The following KCNIP4 variants were observed in gnomAD, a reference collection of about 807,000 sequenced individuals.
The protein encoded by KCNIP4 is potassium voltage-gated channel interacting protein 4, also known as Kv channel-interacting protein 4.
Under a neutral mutation model 34.0 loss-of-function variants are expected in KCNIP4, and 12 were observed. The observed-to-expected ratio is 0.35, with a 90% CI of 0.23 to 0.57. KCNIP4 has a LOEUF of 0.57. Among genes scored for constraint, KCNIP4 ranks in the 20% least tolerant of loss-of-function variants. KCNIP4 has a pLI of 0.83. For missense variants in KCNIP4, 238 were observed against 311.7 expected, an observed-to-expected ratio of 0.76 and a Z score of 1.78; for synonymous variants, 124 against 102.2, an observed-to-expected ratio of 1.21 and a Z score of -1.29.
rs780785876 is a variant in KCNIP4, at chr4:21,025,078, C to A, written c.62-142369G>T. Reference sequence around the variant, plus strand: ...GAGATTTACCAGTAGGTCAAAGAAGCTTTTACTTTAAGAATATCAATAATT... The same window carrying A: ...GAGATTTACCAGTAGGTCAAAGAAGATTTTACTTTAAGAATATCAATAATT... On this transcript the variant is annotated intron_variant, in intron 1 of 8. Coordinates refer to ENST00000382152, the MANE Select transcript of KCNIP4 (RefSeq NM_025221.6). Among the ~76,000 whole-genome samples the A allele has an allele frequency of 5.3e-5, 8 of 152,084 alleles. No homozygotes were observed. The South Asian group carries it at 1.0e-3, about 20-fold the overall frequency.
intron 3 of KCNIP4, among the ~76,000 whole-genome samples, chr4:20,778,011 A>T (rs1756526793): frequency 2.6e-5 from 4 of 152,214 alleles, no homozygotes; most frequent in Admixed American, 2.6e-4. Flanking sequence ...GATAAAGTAG[A>T]CAGAGAGGTA....
chr4:21,077,656 A>G (rs1424844803), intron 1 of KCNIP4, among the ~76,000 whole-genome samples: 1 of 152,212 alleles, frequency 6.6e-6, no homozygotes, highest in Non-Finnish European at 1.5e-5. Context: ...GCAAAGCCAT[A>G]TCTACTTCTC....
chr4:20,894,574 T>C (rs1726297874), intron 1 of KCNIP4, among the ~76,000 whole-genome samples: 1 of 152,188 alleles, frequency 6.6e-6, no homozygotes, highest in African/African-American at 2.4e-5. Flanking sequence ...TCCTGCAGAA[T>C]CTCATAGTCT....
intron 1 of KCNIP4, among the ~76,000 whole-genome samples, chr4:21,375,693 A>G (rs1720897355): frequency 6.6e-6 from 1 of 151,812 alleles, no homozygotes; most frequent in East Asian, 1.9e-4. Flanking sequence ...CAGCCTCCCG[A>G]GTAGCTGGGA....
chr4:21,771,742 G>A (rs1718807180), intron 1 of KCNIP4, among the ~76,000 whole-genome samples: 1 of 152,122 alleles, frequency 6.6e-6, no homozygotes, highest in South Asian at 2.1e-4. Flanking sequence ...TATTGTTGGT[G>A]TAAAGGAATG....
chr4:21,274,902 AAC>A (rs1489459367), intron 1 of KCNIP4, among the ~76,000 whole-genome samples: 1 of 152,142 alleles, frequency 6.6e-6, no homozygotes, highest in Admixed American at 6.6e-5. Context: ...TCTTTTAACA[AAC>A]AATTCTTTTA....
chr4:21,205,556 T>C (rs1277874085), intron 1 of KCNIP4, among the ~76,000 whole-genome samples: 1 of 152,242 alleles, frequency 6.6e-6, no homozygotes, highest in Non-Finnish European at 1.5e-5. Flanking sequence ...ACTAAGAATG[T>C]AGCTTGTATG....
At chr4:21,338,825 A>G (rs1009658421) in intron 1 of KCNIP4, among the ~76,000 whole-genome samples, 6 of 152,092 alleles carry the variant, frequency 3.9e-5, no homozygotes, top group Non-Finnish European at 8.8e-5. Context: ...TCTGCCACTC[A>G]GATTCTTTTT....
chr4:20,804,481 A>G (rs1345704447), intron 3 of KCNIP4, among the ~76,000 whole-genome samples: 1 of 152,216 alleles, frequency 6.6e-6, no homozygotes, highest in Non-Finnish European at 1.5e-5. Context: ...TATATATTCT[A>G]TATAGCTCTT....
rs1468300054 is a variant in KCNIP4, at chr4:21,640,577, T to C, written c.61+307994A>G. 2.0e-5 allele frequency among the ~76,000 whole-genome samples: 3 copies of C among 152,160 alleles called. No homozygotes were observed. The East Asian group carries it at 5.8e-4, about 29-fold the overall frequency. On this transcript the variant is annotated intron_variant, in intron 1 of 8. Coordinates refer to ENST00000382152, the MANE Select transcript of KCNIP4 (RefSeq NM_025221.6). ...TAAATTACTGTGGGCCAGCTTCTGA[T>C]CCATGTTCCAGCCAACCAACCAACC... is the stretch of plus-strand genomic sequence containing the variant.
chr4:21,723,234 G>C (rs986491002), intron 1 of KCNIP4, among the ~76,000 whole-genome samples: 1 of 152,086 alleles, frequency 6.6e-6, no homozygotes, highest in African/African-American at 2.4e-5. Flanking sequence ...AATAAAATCT[G>C]TGATGCTGCT....
At chr4:21,116,062 C>A (rs1477650792) in intron 1 of KCNIP4, among the ~76,000 whole-genome samples, 1 of 152,144 alleles carries the variant, frequency 6.6e-6, no homozygotes, top group Non-Finnish European at 1.5e-5. Context: ...CTCGCCTTTA[C>A]ACCAGCAAAG....
At chr4:21,182,113 C>T (rs1754885888) in intron 1 of KCNIP4, among the ~76,000 whole-genome samples, 1 of 152,110 alleles carries the variant, frequency 6.6e-6, no homozygotes, top group Admixed American at 6.6e-5. Flanking sequence ...TGGGAAAGAA[C>T]AGTCAAGGGA....
intron 1 of KCNIP4, among the ~76,000 whole-genome samples, chr4:21,407,542 A>G (rs572346827): frequency 7.9e-5 from 12 of 152,310 alleles, no homozygotes; most frequent in African/African-American, 2.9e-4. Flanking sequence ...GAATGAATCA[A>G]TGAATAAATA....
chr4:21,811,495 C>A (rs1721649407), intron 1 of KCNIP4, among the ~76,000 whole-genome samples: 1 of 152,150 alleles, frequency 6.6e-6, no homozygotes, highest in Non-Finnish European at 1.5e-5. Flanking sequence ...CTTTTATAAT[C>A]CCACTTCAGG....
chr4:21,889,905 T>C (rs1372644454), intron 1 of KCNIP4, among the ~76,000 whole-genome samples: 2 of 152,184 alleles, frequency 1.3e-5, no homozygotes, highest in African/African-American at 4.8e-5. Context: ...GTCTTGTATA[T>C]TTGCTCACCC....
chr4:21,734,063 C>T (rs1388512789), intron 1 of KCNIP4, among the ~76,000 whole-genome samples: 1 of 152,140 alleles, frequency 6.6e-6, no homozygotes, highest in Admixed American at 6.6e-5. Context: ...CTGGTAGGAG[C>T]TATTATTACC....
intron 1 of KCNIP4, among the ~76,000 whole-genome samples, chr4:21,069,547 C>T (rs1486256285): frequency 6.6e-6 from 1 of 152,078 alleles, no homozygotes; most frequent in Non-Finnish European, 1.5e-5. Context: ...GGAGAAGAGG[C>T]CTGTGAAGGC....
At chr4:21,402,209 A>C (rs1723615135) in intron 1 of KCNIP4, among the ~76,000 whole-genome samples, 1 of 152,206 alleles carries the variant, frequency 6.6e-6, no homozygotes, top group African/African-American at 2.4e-5. Flanking sequence ...CTCTGCATGT[A>C]CTTCAATTTC....
Sources: allele counts gnomAD v4.1 joint callset (sites outside exome capture counted in the v4.1 genomes callset), GRCh38; gene constraint gnomAD v4.1.1; transcripts MANE v1.5; gene names NCBI Gene and HGNC (gene_info 2026-07-23, HGNC 2026-07-21).